Variants in GNG4 observed in about 807,000 individuals in gnomAD.
GNG4 encodes guanine nucleotide-binding protein G(I)/G(S)/G(O) subunit gamma-4.
Under a neutral mutation model 5.8 loss-of-function variants are expected in GNG4, and 4 were observed. The ratio of observed to expected loss-of-function variants is 0.69; its 90% CI spans 0.34 to 1.57. GNG4 has a LOEUF of 1.57. GNG4 is among the 40% of genes most tolerant of loss of function. The pLI, the probability that GNG4 is intolerant of heterozygous loss-of-function variation, is 0.06. For synonymous variants in GNG4, 29 were observed against 32.9 expected (o/e 0.88, Z 0.41); for missense variants, 96 against 95.1 (o/e 1.01, Z -0.04).
At chr1:235,645,830 TAA>T (rs1217523842) in intron 1 of GNG4, among the ~76,000 whole-genome samples, 1 of 149,276 alleles carries the variant, frequency 6.7e-6, no homozygotes, top group African/African-American at 2.5e-5. Context: ...AAAGAATGTT[TAA>T]AAAGAGTTAA....
At chr1:235,593,832 T>TA (rs1430639755) in intron 2 of GNG4, among the ~76,000 whole-genome samples, 1 of 152,162 alleles carries the variant, frequency 6.6e-6, no homozygotes, top group Non-Finnish European at 1.5e-5. Flanking sequence ...TGGTGAGTGT[T>TA]ACAGCTCATA....
chr1:235,593,032 T>C (rs561925800), intron 2 of GNG4, among the ~76,000 whole-genome samples: 47 of 151,160 alleles, frequency 3.1e-4, no homozygotes, highest in South Asian at 6.3e-4. Flanking sequence ...CACTGCAACA[T>C]CCACCTCCCA....
intron 3 of GNG4, among the ~76,000 whole-genome samples, chr1:235,565,215 G>A (rs1687164973): frequency 6.6e-6 from 1 of 152,044 alleles, no homozygotes; most frequent in African/African-American, 2.4e-5. Context: ...AAAGAGGGTG[G>A]CAGTTGGCCC....
At position 235,568,156 on chromosome 1, in the gene GNG4, C is replaced by T. The variant is rs1013446147; in HGVS notation, c.99+15584G>A. Among the ~76,000 whole-genome samples, 5 of 67,834 alleles carry T rather than the reference C, an allele frequency of 7.4e-5. No homozygotes were observed. In the African/African-American group the frequency reaches 7.8e-4, roughly 11 times the overall value. 44.5% of individuals were successfully genotyped at this position (67,834 alleles called of 152,430 possible). A position where few individuals can be genotyped will look rare whatever the true frequency, so the allele number is the denominator to read the frequency against. ...ACATACTTTCCTTCTAATAAATCTGCTTTTTTTTTTTTAAACCTATGACTG... is the reference window on the plus strand; with the variant it reads ...ACATACTTTCCTTCTAATAAATCTGTTTTTTTTTTTTTAAACCTATGACTG... On this transcript the variant is annotated intron_variant, in intron 3 of 3. Coordinates refer to ENST00000391854, the MANE Select transcript of GNG4 (RefSeq NM_001098722.2).
At chr1:235,600,335 G>A (rs1373834271) in intron 1 of GNG4, among the ~76,000 whole-genome samples, 1 of 151,698 alleles carries the variant, frequency 6.6e-6, no homozygotes, top group African/African-American at 2.4e-5. Flanking sequence ...GGCTGGTCTT[G>A]AACCCCTGAC....
chr1:235,552,269 A>G (rs749552850), intron 3 of GNG4, 32 bp from the exon 4 acceptor site: 2 of 1,609,250 alleles, frequency 1.2e-6, no homozygotes, highest in East Asian at 4.5e-5. Context: ...GTGCTCAGTT[A>G]AAGGCCCCTT....
At chr1:235,607,729 G>T (rs1688392350) in intron 1 of GNG4, among the ~76,000 whole-genome samples, 2 of 152,130 alleles carry the variant, frequency 1.3e-5, no homozygotes, top group African/African-American at 4.8e-5. Flanking sequence ...TAGGGTTAGG[G>T]TGCAGCCTCC....
intron 2 of GNG4, among the ~76,000 whole-genome samples, chr1:235,593,761 T>C (rs1026280603): frequency 2.6e-5 from 4 of 152,062 alleles, no homozygotes; most frequent in African/African-American, 9.7e-5. Flanking sequence ...TCTGGAGTTG[T>C]TCCTTCCTCC....
intron 2 of GNG4, among the ~76,000 whole-genome samples, chr1:235,584,181 CTT>C (rs1252052389): frequency 6.6e-6 from 1 of 152,214 alleles, no homozygotes; most frequent in Non-Finnish European, 1.5e-5. Flanking sequence ...TCGTATAGTG[CTT>C]TGAGTCATCA....
At chr1:235,591,853 C>CG (rs1687972230) in intron 2 of GNG4, among the ~76,000 whole-genome samples, 1 of 152,186 alleles carries the variant, frequency 6.6e-6, no homozygotes, top group African/African-American at 2.4e-5. Flanking sequence ...TAGGTCGCAC[C>CG]GGGGGTTTCT....
intron 1 of GNG4, among the ~76,000 whole-genome samples, chr1:235,638,752 G>A (rs933037362): frequency 3.3e-5 from 5 of 152,056 alleles, no homozygotes; most frequent in Admixed American, 3.3e-4. Flanking sequence ...GAGAACATGC[G>A]ATGTTTGGTT....
At chr1:235,568,496 A>G (rs756266320) in intron 3 of GNG4, among the ~76,000 whole-genome samples, 17 of 152,246 alleles carry the variant, frequency 1.1e-4, no homozygotes, top group Non-Finnish European at 2.2e-4. Context: ...GAATAAAATA[A>G]AATAAGTTTG....
chr1:235,557,313 C>T (rs554295977), intron 3 of GNG4, among the ~76,000 whole-genome samples: 11 of 152,246 alleles, frequency 7.2e-5, no homozygotes, highest in Admixed American at 1.3e-4. Flanking sequence ...CCAGTGCACA[C>T]GAGGAGAGAT....
At chr1:235,630,349 C>T (rs934334778) in intron 1 of GNG4, among the ~76,000 whole-genome samples, 1 of 152,214 alleles carries the variant, frequency 6.6e-6, no homozygotes, top group Non-Finnish European at 1.5e-5. Flanking sequence ...TCTTCAAATG[C>T]CGTAAGTACT....
At chr1:235,629,195 A>C (rs1021353336) in intron 1 of GNG4, among the ~76,000 whole-genome samples, 3 of 151,676 alleles carry the variant, frequency 2.0e-5, no homozygotes, top group Admixed American at 1.3e-4. Context: ...TTAAAAAAAA[A>C]ATGAAGACAG....
chr1:235,633,289 G>A (rs1688970834), intron 1 of GNG4, among the ~76,000 whole-genome samples: 1 of 152,064 alleles, frequency 6.6e-6, no homozygotes. Flanking sequence ...GAGACAAGCA[G>A]GGATAAGTTC....
At chr1:235,587,419 G>GGT (rs1186478868) in intron 2 of GNG4, among the ~76,000 whole-genome samples, 1 of 82,790 alleles carries the variant, frequency 1.2e-5, no homozygotes, top group Non-Finnish European at 2.4e-5. Context: ...GAGGGGTGGG[G>GGT]GTGTGTGTGT....
At chr1:235,622,893 A>C (rs1020796939) in intron 1 of GNG4, among the ~76,000 whole-genome samples, 6 of 149,320 alleles carry the variant, frequency 4.0e-5, no homozygotes, top group African/African-American at 1.5e-4. Flanking sequence ...AAAAAAAAAT[A>C]GCCAGGCGTG....
intron 1 of GNG4, among the ~76,000 whole-genome samples, chr1:235,632,649 T>C (rs1571923801): frequency 6.6e-6 from 1 of 152,194 alleles, no homozygotes; most frequent in East Asian, 1.9e-4. Flanking sequence ...AGTCTTCCCT[T>C]TTGTAACTGT....
Sources: gnomAD v4.1 joint callset for allele counts (sites outside exome capture counted in the v4.1 genomes callset) on GRCh38, gnomAD v4.1.1 for gene constraint, MANE v1.5 for transcripts, NCBI Gene and HGNC (gene_info 2026-07-23, HGNC 2026-07-21) for gene names.